The following TEC variants were observed in gnomAD, a reference collection of about 807,000 sequenced individuals.
TEC encodes tec protein tyrosine kinase.
A neutral mutation model predicts 93.0 loss-of-function variants in TEC; 72 were observed. The ratio of observed to expected loss-of-function variants is 0.77; its 90% confidence interval spans 0.64 to 0.94. TEC has a LOEUF of 0.94. Among genes scored for constraint, TEC ranks in the 40% least tolerant of loss-of-function variants. TEC has a pLI of 0.00. For synonymous variants in TEC, 249 were observed against 247.7 expected (o/e 1.01, Z -0.05); for missense variants, 630 against 757.9 (o/e 0.83, Z 1.98).
Position 48,138,796 on chromosome 4 carries a change from C to T in TEC, c.1681G>A (p.Glu561Lys), listed in dbSNP as rs1023904247. The change falls in exon 17 of 18, where the codon GAA becomes AAA. Residue 561 changes from glutamate (E) to lysine (K), a missense_variant. This residue lies in a region of TEC where 289 missense variants were observed against 390.0 expected (regional missense o/e 0.74). Coordinates refer to ENST00000381501, the MANE Select transcript of TEC (RefSeq NM_003215.3). ...TATTTTTCAAAAGGCATTCTGCCTT[C>T]CGTGAATACTTCCCACATTAAAACA... The part of the protein sequence containing the change: ...FGVLMWEVFT[E>K]GRMPFEKYTN... 6.2e-7 allele frequency: 1 copy of T among 1,613,762 alleles called. No homozygotes were observed. Among genetic ancestry groups the T allele is most frequent in the African/African-American group, 1.3e-5 (1 of 74,926 alleles).
intron 2 of TEC, among the ~76,000 whole-genome samples, chr4:48,221,541 G>A (rs901670590): frequency 6.6e-6 from 1 of 152,088 alleles, no homozygotes; most frequent in Non-Finnish European, 1.5e-5. Flanking sequence ...CCCAGTCTTG[G>A]GTACGTCTTT....
At chr4:48,243,965 ATT>A (rs796087465) in intron 1 of TEC, among the ~76,000 whole-genome samples, 38 of 64,966 alleles carry the variant, frequency 5.8e-4, no homozygotes, top group South Asian at 2.1e-3. Flanking sequence ...TTAAAGTATA[ATT>A]AAAAAAAAAA....
chr4:48,137,357 C>CT lies in TEC; in HGVS notation c.*58_*59insA. Reference sequence around the variant, plus strand: ...TCCAAGTGCTCAATAAATTAAAAGCCACAAAATGCCCATCCTTCCTTGTGC... The same window carrying CT: ...TCCAAGTGCTCAATAAATTAAAAGCCTACAAAATGCCCATCCTTCCTTGTGC... On this transcript the variant is annotated 3_prime_UTR_variant, in exon 18 of 18. Coordinates refer to ENST00000381501, the MANE Select transcript of TEC (RefSeq NM_003215.3). 1 of 1,395,538 alleles carries CT rather than the reference C, an allele frequency of 7.2e-7. No homozygotes were observed. Among genetic ancestry groups the CT allele is most frequent in the Non-Finnish European group, 1.0e-6 (1 of 992,036 alleles). 86.4% of individuals were successfully genotyped at this position (1,395,538 alleles called of 1,614,324 possible).
intron 3 of TEC, among the ~76,000 whole-genome samples, chr4:48,171,899 C>G (rs1721128933): frequency 6.6e-6 from 1 of 152,190 alleles, no homozygotes; most frequent in Non-Finnish European, 1.5e-5. Context: ...CTTTACAGAC[C>G]TTAACTCAAT....
At chr4:48,187,643 C>T (rs1721936285) in intron 2 of TEC, among the ~76,000 whole-genome samples, 1 of 152,172 alleles carries the variant, frequency 6.6e-6, no homozygotes, top group African/African-American at 2.4e-5. Context: ...CTTCACAACT[C>T]TCCTTTGTGG....
At chr4:48,244,212 T>C (rs1453060053) in intron 1 of TEC, among the ~76,000 whole-genome samples, 1 of 152,230 alleles carries the variant, frequency 6.6e-6, no homozygotes, top group Non-Finnish European at 1.5e-5. Flanking sequence ...ACGTTTCTAC[T>C]ATTTAAAAGA....
intron 7 of TEC, 140 bp downstream of exon 7, chr4:48,167,638 T>C (rs1296283975): frequency 1.4e-6 from 1 of 720,908 alleles, no homozygotes; most frequent in African/African-American, 1.8e-5. Context: ...ACTGTGTTAC[T>C]ACCAAGTAAT....
At chr4:48,186,766 G>T (rs1721882823) in intron 2 of TEC, among the ~76,000 whole-genome samples, 1 of 150,078 alleles carries the variant, frequency 6.7e-6, no homozygotes, top group African/African-American at 2.5e-5. Context: ...GGAGGGAGGT[G>T]GGGGGTCAGC....
chr4:48,172,952 C>T (rs539043372), intron 3 of TEC, among the ~76,000 whole-genome samples: 75 of 152,212 alleles, frequency 4.9e-4, no homozygotes, highest in African/African-American at 1.8e-3. Context: ...CTTGGACCTT[C>T]CAGAAACCTG....
intron 2 of TEC, among the ~76,000 whole-genome samples, chr4:48,216,206 C>T (rs1419555718): frequency 6.6e-6 from 1 of 151,138 alleles, no homozygotes; most frequent in Admixed American, 6.6e-5. Context: ...ACATTCTCAC[C>T]CTTGGCCAAG....
chr4:48,199,200 C>T (rs1272251743), intron 2 of TEC, among the ~76,000 whole-genome samples: 1 of 152,156 alleles, frequency 6.6e-6, no homozygotes, highest in African/African-American at 2.4e-5. Flanking sequence ...AGGAAGCCAC[C>T]TCCTTTTAGG....
At chr4:48,236,250 T>C (rs2664024) in intron 1 of TEC, among the ~76,000 whole-genome samples, 42,656 of 151,960 alleles carry the variant, frequency 0.28, 8,871 homozygotes, top group African/African-American at 0.56. Context: ...CAGCTTTCTC[T>C]CCTAGCCGTT....
intron 1 of TEC, among the ~76,000 whole-genome samples, chr4:48,253,221 C>T (rs1367489103): frequency 6.6e-6 from 1 of 152,270 alleles, no homozygotes; most frequent in African/African-American, 2.4e-5. Context: ...GGCTAAGTAA[C>T]TTGATTCATA....
intron 2 of TEC, among the ~76,000 whole-genome samples, chr4:48,201,338 A>C (rs950942537): frequency 3.3e-5 from 5 of 152,174 alleles, no homozygotes; most frequent in Non-Finnish European, 1.5e-5. Flanking sequence ...CTCAGAATAG[A>C]TATCAGGCTG....
intron 2 of TEC, among the ~76,000 whole-genome samples, chr4:48,203,010 AG>A (rs2109599301): frequency 6.6e-6 from 1 of 152,334 alleles, no homozygotes; most frequent in Admixed American, 6.5e-5. Context: ...GACAAAGGCG[AG>A]GTGAGTTCCT....
intron 1 of TEC, among the ~76,000 whole-genome samples, chr4:48,255,832 T>G (rs1461058638): frequency 1.3e-5 from 2 of 152,142 alleles, no homozygotes; most frequent in East Asian, 1.9e-4. Flanking sequence ...ATAACAATAA[T>G]GACAATTAGT....
chr4:48,218,866 C>T (rs1224174265), intron 2 of TEC, among the ~76,000 whole-genome samples: 1 of 152,068 alleles, frequency 6.6e-6, no homozygotes, highest in Non-Finnish European at 1.5e-5. Context: ...GTTTGTTAAC[C>T]TAGGTAAAAT....
chr4:48,183,954 A>G (rs1053604615), intron 2 of TEC, among the ~76,000 whole-genome samples: 3 of 152,222 alleles, frequency 2.0e-5, no homozygotes, highest in Non-Finnish European at 2.9e-5. Context: ...AGGCTGAGCC[A>G]GAATTGAACT....
chr4:48,224,856 C>CAG (rs370055284), intron 2 of TEC, among the ~76,000 whole-genome samples: 158 of 152,164 alleles, frequency 1.0e-3, no homozygotes, highest in African/African-American at 3.6e-3. Flanking sequence ...AGAAGCTGTC[C>CAG]AGAGAATAAG....
Sources: allele counts gnomAD v4.1 joint callset (sites outside exome capture counted in the v4.1 genomes callset), GRCh38; gene constraint gnomAD v4.1.1; regional missense constraint gnomAD v4.1.1; transcripts MANE v1.5; gene names NCBI Gene and HGNC (gene_info 2026-07-23, HGNC 2026-07-21).